Variants in GRIA4 observed in about 807,000 individuals in gnomAD.
GRIA4 encodes the protein glutamate receptor 4.
GRIA4 carries 34 observed loss-of-function variants against 104.0 expected under a neutral mutation model. That is an observed-to-expected ratio of 0.33 (90% confidence interval 0.25 to 0.44). GRIA4 has a LOEUF of 0.44. GRIA4 is among the 20% of genes least tolerant of loss of function. The pLI is 1.00. For synonymous variants in GRIA4, 386 were observed against 381.9 expected (o/e 1.01, Z -0.13); for missense variants, 750 against 1,096.5 (o/e 0.68, Z 4.46).
chr11:105,828,547 G>A (rs542090736), intron 4 of GRIA4, among the ~76,000 whole-genome samples: 52 of 151,918 alleles, frequency 3.4e-4, no homozygotes, highest in South Asian at 6.2e-4. Flanking sequence ...TTATACTTTG[G>A]AAAGTTTGCA....
intron 3 of GRIA4, among the ~76,000 whole-genome samples, chr11:105,738,943 A>AC (rs1434799983): frequency 8.0e-4 from 92 of 115,214 alleles, no homozygotes; most frequent in African/African-American, 2.3e-3. Context: ...AAAAAAAAAA[A>AC]ACAAAAAAAA....
intron 7 of GRIA4, among the ~76,000 whole-genome samples, chr11:105,901,856 C>G (rs1396435597): frequency 1.3e-5 from 2 of 151,960 alleles, no homozygotes; most frequent in African/African-American, 4.8e-5. Flanking sequence ...TCTTTTTTTC[C>G]TCCTTTGGTC....
At chr11:105,699,090 T>C (rs932242639) in intron 3 of GRIA4, among the ~76,000 whole-genome samples, 2 of 152,230 alleles carry the variant, frequency 1.3e-5, no homozygotes, top group Non-Finnish European at 2.9e-5. Context: ...TACTCTTTAC[T>C]AATGCCGAAA....
chr11:105,804,197 C>A (rs907422955), intron 4 of GRIA4, among the ~76,000 whole-genome samples: 18 of 151,794 alleles, frequency 1.2e-4, no homozygotes, highest in African/African-American at 4.4e-4. Context: ...TATGACATTT[C>A]ATCATAGTTT....
At chr11:105,906,653 G>T (rs990691782) in intron 9 of GRIA4, among the ~76,000 whole-genome samples, 13 of 152,170 alleles carry the variant, frequency 8.5e-5, no homozygotes, top group Admixed American at 8.5e-4. Context: ...CAGGCTGCCA[G>T]CTAATACGTG....
At chr11:105,818,608 G>C (rs1943466492) in intron 4 of GRIA4, among the ~76,000 whole-genome samples, 1 of 152,122 alleles carries the variant, frequency 6.6e-6, no homozygotes, top group Admixed American at 6.6e-5. Context: ...TAAAGCTTTT[G>C]TCACCTTAGA....
intron 14 of GRIA4, among the ~76,000 whole-genome samples, chr11:105,951,371 A>T (rs1280143945): frequency 6.6e-6 from 1 of 152,196 alleles, no homozygotes; most frequent in Non-Finnish European, 1.5e-5. Context: ...AAGCAAATTT[A>T]CTTTAGAATA....
At chr11:105,740,637 T>C (rs550373914) in intron 3 of GRIA4, among the ~76,000 whole-genome samples, 4 of 152,250 alleles carry the variant, frequency 2.6e-5, no homozygotes, top group Non-Finnish European at 5.9e-5. Flanking sequence ...AAAATAACTG[T>C]AGTAAGGAAT....
chr11:105,966,522 C>T (rs1353563868), intron 14 of GRIA4, among the ~76,000 whole-genome samples: 1 of 152,070 alleles, frequency 6.6e-6, no homozygotes, highest in African/African-American at 2.4e-5. Context: ...AAAAAGTTTT[C>T]TCCATCTAAA....
chr11:105,855,023 T>G (rs1013109920), intron 4 of GRIA4, among the ~76,000 whole-genome samples: 2 of 152,220 alleles, frequency 1.3e-5, no homozygotes, highest in Admixed American at 6.5e-5. Flanking sequence ...AGTTTATGAA[T>G]ACATTACTCC....
intron 3 of GRIA4, among the ~76,000 whole-genome samples, chr11:105,734,103 T>G (rs1385938722): frequency 1.3e-5 from 2 of 148,750 alleles, no homozygotes; most frequent in Non-Finnish European, 3.0e-5. Context: ...ATATAAAATA[T>G]CTTGCCCATG....
At chr11:105,800,849 C>T (rs1942690500) in intron 4 of GRIA4, among the ~76,000 whole-genome samples, 1 of 151,854 alleles carries the variant, frequency 6.6e-6, no homozygotes, top group Non-Finnish European at 1.5e-5. Context: ...AGGTTTTCTT[C>T]CATGAATGAG....
chr11:105,930,864 T>C (rs1473406086), intron 13 of GRIA4, among the ~76,000 whole-genome samples: 1 of 152,140 alleles, frequency 6.6e-6, no homozygotes, highest in African/African-American at 2.4e-5. Flanking sequence ...GTCGTGTACA[T>C]AGTAAAGTAT....
chr11:105,744,791 T>C (rs1459802473), intron 3 of GRIA4, among the ~76,000 whole-genome samples: 2 of 152,186 alleles, frequency 1.3e-5, no homozygotes, highest in East Asian at 3.9e-4. Flanking sequence ...AGAGTTTTAG[T>C]AGCTTTTTCT....
intron 7 of GRIA4, 34 bp downstream of exon 7, chr11:105,898,461 T>C (rs772990741): frequency 1.4e-5 from 17 of 1,255,002 alleles, no homozygotes; most frequent in Middle Eastern, 1.9e-4. Context: ...GTATTACTGA[T>C]AGTTTCAAAA....
chr11:105,684,755 C>A (rs1386059754), intron 3 of GRIA4, among the ~76,000 whole-genome samples: 3 of 151,228 alleles, frequency 2.0e-5, no homozygotes, highest in Admixed American at 6.6e-5. Context: ...ATAAAATTAA[C>A]TCTTTTAGAA....
intron 3 of GRIA4, among the ~76,000 whole-genome samples, chr11:105,705,014 C>T (rs936247153): frequency 1.3e-5 from 2 of 152,166 alleles, no homozygotes; most frequent in Non-Finnish European, 2.9e-5. Context: ...TAAAAGTGCA[C>T]TTCAAAGTTT....
At position 105,944,433 on chromosome 11, in the gene GRIA4, G is replaced by GT. The variant is rs1024467364; in HGVS notation, c.2294+10471dup. 5.3e-5 allele frequency among the ~76,000 whole-genome samples: 8 copies of GT among 152,056 alleles called. No homozygotes were observed. The East Asian group carries it at 1.2e-3, about 22-fold the overall frequency. ...GAATTCAATCAATTGTCTGGTATTT[G>GT]TTTTTTTATGGGAGCCAATCACCCA... On this transcript the variant is annotated intron_variant, in intron 14 of 16. Transcript: ENST00000282499.
chr11:105,907,789 A>C (rs985048442), intron 9 of GRIA4, among the ~76,000 whole-genome samples: 1 of 152,178 alleles, frequency 6.6e-6, no homozygotes, highest in African/African-American at 2.4e-5. Flanking sequence ...ACAACCTAAA[A>C]ATAAGATATA....
Sources: allele counts gnomAD v4.1 joint callset (sites outside exome capture counted in the v4.1 genomes callset), GRCh38; gene constraint gnomAD v4.1.1; transcripts MANE v1.5; gene names NCBI Gene and HGNC (gene_info 2026-07-23, HGNC 2026-07-21).